Variants in PLA2G1B observed in about 807,000 individuals in gnomAD.
PLA2G1B encodes the protein phospholipase A2.
A neutral mutation model predicts 12.5 loss-of-function variants in PLA2G1B; 12 were observed. The observed-to-expected ratio is 0.96, with a 90% CI of 0.62 to 1.56. PLA2G1B has a LOEUF of 1.56. Ranked by LOEUF, PLA2G1B falls within the 40% of genes most tolerant of loss-of-function variation. The probability of loss-of-function intolerance (pLI) is 0.00; values close to 1 mark genes in which losing one functional copy is unlikely to be tolerated. For synonymous variants in PLA2G1B, 81 were observed against 73.4 expected (o/e 1.10, Z -0.53); for missense variants, 189 against 186.7 (o/e 1.01, Z -0.07).
intron 2 of PLA2G1B, 72 bp downstream of exon 2, chr12:120,325,789 G>A (rs1002677238): frequency 2.1e-6 from 3 of 1,434,630 alleles, no homozygotes; most frequent in South Asian, 1.2e-5. Context: ...TGTATGCCTC[G>A]TGAGATCCTT....
intron 3 of PLA2G1B, among the ~76,000 whole-genome samples, chr12:120,323,642 C>CTG (rs994635358): frequency 3.1e-4 from 46 of 149,990 alleles, no homozygotes; most frequent in Middle Eastern, 3.4e-3. Context: ...TAAAAAAAAA[C>CTG]TGTGTGTGAG....
At position 120,325,955 on chromosome 12, in the gene PLA2G1B, CGCACTTGATCAT is replaced by C; in HGVS notation, c.88_99del (p.Met30_Cys33del). The C allele has an allele frequency of 6.2e-7, 1 of 1,614,150 alleles. No individual in the cohort carries two copies. The highest frequency in any genetic ancestry group is 8.5e-7 in the Non-Finnish European group (1 of 1,180,002). ...AAGAAGGGGTCACTCCCCGGGATCA[CGCACTTGATCAT>C]TTTGCGGAACTGCCACACGGCCCGA... On this transcript the variant is annotated inframe_deletion, in exon 2 of 4. Coordinates refer to ENST00000308366, the MANE Select transcript of PLA2G1B (RefSeq NM_000928.3).
At chr12:120,324,266 G>A (rs1411805993) in intron 3 of PLA2G1B, among the ~76,000 whole-genome samples, 1 of 151,914 alleles carries the variant, frequency 6.6e-6, no homozygotes, top group Non-Finnish European at 1.5e-5. Context: ...TGAGCTGAAC[G>A]GAGGTTGAGG....
chr12:120,327,684 A>G (rs1208519128), intron 1 of PLA2G1B, 36 bp downstream of exon 1: 1 of 1,605,454 alleles, frequency 6.2e-7, no homozygotes, highest in Non-Finnish European at 8.5e-7. Flanking sequence ...CTCACTTGGG[A>G]GAGAAAGGCG....
chr12:120,325,326 G>A (rs978583234), intron 2 of PLA2G1B, among the ~76,000 whole-genome samples: 8 of 151,812 alleles, frequency 5.3e-5, no homozygotes, highest in Admixed American at 2.6e-4. Flanking sequence ...AGTCTCCCAA[G>A]TAGCTGGGGT....
intron 1 of PLA2G1B, 129 bp downstream of exon 1, chr12:120,327,591 G>A: frequency 2.2e-6 from 2 of 904,224 alleles, no homozygotes; most frequent in Non-Finnish European, 3.7e-6. Flanking sequence ...AGCCCCACTG[G>A]GAACCTCGAA....
intron 2 of PLA2G1B, among the ~76,000 whole-genome samples, 188 bp from the exon 3 acceptor site, chr12:120,325,249 C>CA (rs1873318240): frequency 6.6e-6 from 1 of 150,514 alleles, no homozygotes; most frequent in Non-Finnish European, 1.5e-5. Context: ...TTTTTTGAGA[C>CA]AGAGTTGCTC....
rs1413680337 is a variant in PLA2G1B, at chr12:120,322,238, G to A, written c.402C>T (p.Asn134=). 1.2e-6 allele frequency: 2 copies of A among 1,614,070 alleles called. No homozygotes were observed. Among genetic ancestry groups the A allele is most frequent in the African/African-American group, 2.7e-5 (2 of 75,034 alleles). Residue 134 remains asparagine (N), a synonymous_variant, in exon 4 of 4, where the codon AAC becomes AAT. Transcript: ENST00000308366. ...TGGTGTCCAGGTTCTTGTGTGCCTT[G>A]TTATATGGAGCTTTTGAAAAGCAGA... is the stretch of plus-strand genomic sequence containing the variant. ...AAICFSKAPY[N]KAHKNLDTKK... is the part of the protein sequence containing the mutation.
At chr12:120,326,794 C>T (rs975406288) in intron 1 of PLA2G1B, among the ~76,000 whole-genome samples, 1 of 151,688 alleles carries the variant, frequency 6.6e-6, no homozygotes, top group South Asian at 2.1e-4. Context: ...CACGATGAAA[C>T]CCCGTCTTTA....
At chr12:120,322,767 A>G (rs78832440) in intron 3 of PLA2G1B, among the ~76,000 whole-genome samples, 2 of 151,988 alleles carry the variant, frequency 1.3e-5, no homozygotes, top group African/African-American at 4.8e-5. Flanking sequence ...TTGTATTTTT[A>G]TTAGAGAGGG....
chr12:120,325,422 A>G (rs1162296265), intron 2 of PLA2G1B, among the ~76,000 whole-genome samples: 1 of 151,660 alleles, frequency 6.6e-6, no homozygotes. Context: ...CTGGTCTCGA[A>G]CTCCTGACCT....
intron 3 of PLA2G1B, among the ~76,000 whole-genome samples, chr12:120,322,766 T>C (rs1167170288): frequency 2.0e-5 from 3 of 152,262 alleles, no homozygotes; most frequent in African/African-American, 7.2e-5. Context: ...TTTGTATTTT[T>C]ATTAGAGAGG....
chr12:120,325,517 A>G (rs1873324058), intron 2 of PLA2G1B, among the ~76,000 whole-genome samples: 1 of 152,114 alleles, frequency 6.6e-6, no homozygotes, highest in Non-Finnish European at 1.5e-5. Flanking sequence ...GATTTTTAAC[A>G]TGGTTGCAAG....
chr12:120,325,083 T>C (rs1294460862), intron 2 of PLA2G1B, 22 bp from the exon 3 acceptor site: 1 of 1,613,610 alleles, frequency 6.2e-7, no homozygotes, highest in Admixed American at 1.7e-5. Flanking sequence ...GAGGGACAGC[T>C]GAGATAGGAG....
intron 2 of PLA2G1B, 49 bp from the exon 3 acceptor site, chr12:120,325,110 G>A (rs766149099): frequency 6.2e-7 from 1 of 1,609,078 alleles, no homozygotes; most frequent in African/African-American, 1.3e-5. Flanking sequence ...CAGAGCAATA[G>A]GTCAGCCCTC....
At chr12:120,324,521 A>C (rs1209230200) in intron 3 of PLA2G1B, among the ~76,000 whole-genome samples, 1 of 152,098 alleles carries the variant, frequency 6.6e-6, no homozygotes, top group Non-Finnish European at 1.5e-5. Flanking sequence ...TTTTTTAATT[A>C]GCCAGGCGTG....
chr12:120,325,752 A>C, intron 2 of PLA2G1B, 109 bp downstream of exon 2: 1 of 1,004,272 alleles, frequency 1.0e-6, no homozygotes, highest in Non-Finnish European at 1.5e-6. Flanking sequence ...AAAATATGTT[A>C]TCCTTAGCAG....
chr12:120,327,707 G>A lies in PLA2G1B; in HGVS notation c.34+13C>T, dbSNP rs1403606560. ...GGAGAGAAAGGCGGGTGGAGCCGGG[G>A]AGACTTGCCTACCTGTGAGCAGCAC... On this transcript the variant is annotated intron_variant, in intron 1 of 3. Coordinates refer to ENST00000308366, the MANE Select transcript of PLA2G1B (RefSeq NM_000928.3). 9 of 1,613,350 alleles carry A rather than the reference G, an allele frequency of 5.6e-6. No individual in the cohort carries two copies. Among genetic ancestry groups the A allele is most frequent in the Admixed American group, 5.0e-5 (3 of 60,008 alleles).
In PLA2G1B at chr12:120,322,204, A is replaced by G. The variant is rs936431935; in HGVS notation, c.436T>C (p.Cys146Arg). Reference sequence around the variant, plus strand: ...TTGAGAGGTGATATTCAACTCTGACAATACTTCTTGGTGTCCAGGTTCTTG... The same window carrying G: ...TTGAGAGGTGATATTCAACTCTGACGATACTTCTTGGTGTCCAGGTTCTTG... ...AHKNLDTKKY[C>R]QS The change falls in exon 4 of 4, where the codon TGT (cysteine) becomes CGT (arginine). Residue 146 changes from cysteine to arginine, a missense_variant. Transcript: ENST00000308366. The G allele has an allele frequency of 6.2e-7, 1 of 1,614,108 alleles. No homozygotes were observed. The highest frequency in any genetic ancestry group is 1.7e-5 in the Admixed American group (1 of 60,006).
Sources: allele counts gnomAD v4.1 joint callset (sites outside exome capture counted in the v4.1 genomes callset), GRCh38; gene constraint gnomAD v4.1.1; transcripts MANE v1.5; gene names NCBI Gene and HGNC (gene_info 2026-07-23, HGNC 2026-07-21).